The following CNOT4 variants were observed in gnomAD, a reference collection of about 807,000 sequenced individuals.
CNOT4 encodes CCR4-associated factor 4.
A neutral mutation model predicts 73.8 loss-of-function variants in CNOT4; 8 were observed. The ratio of observed to expected loss-of-function variants is 0.11; its 90% confidence interval spans 0.06 to 0.20. CNOT4 has a LOEUF of 0.20. Ranked by LOEUF, CNOT4 falls within the 10% of genes least tolerant of loss-of-function variation. CNOT4 has a pLI of 1.00. For synonymous variants in CNOT4, 293 were observed against 321.1 expected (o/e 0.91, Z 0.94); for missense variants, 564 against 883.4 (o/e 0.64, Z 4.58).
intron 10 of CNOT4, chr7:135,384,488 T>C (rs1247195144): frequency 1.8e-6 from 1 of 550,824 alleles, no homozygotes; most frequent in African/African-American, 1.9e-5. Context: ...GGTTTCACCG[T>C]GTTAGCCAGG....
chr7:135,463,546 A>C (rs895844384), intron 1 of CNOT4, among the ~76,000 whole-genome samples: 3 of 16,770 alleles, frequency 1.8e-4, no homozygotes, highest in African/African-American at 1.0e-3. Context: ...CCCCCACCCA[A>C]AAAAAAAAAA....
chr7:135,387,247 T>A (rs772370448), intron 10 of CNOT4: 21 of 984,858 alleles, frequency 2.1e-5, no homozygotes, highest in Non-Finnish European at 1.9e-5. Flanking sequence ...AATTAGAGAT[T>A]GATGTTTATG....
chr7:135,392,406 C>T (rs1313355835), intron 10 of CNOT4, among the ~76,000 whole-genome samples: 1 of 152,042 alleles, frequency 6.6e-6, no homozygotes, highest in African/African-American at 2.4e-5. Flanking sequence ...TTTGGGAGAA[C>T]TTAACTTTAA....
At chr7:135,370,531 T>C (rs116720979) in intron 10 of CNOT4, among the ~76,000 whole-genome samples, 1,752 of 152,298 alleles carry the variant, frequency 0.012, 39 homozygotes, top group African/African-American at 0.04. Flanking sequence ...TGCCGTGCCA[T>C]CGACTGCAGT....
intron 2 of CNOT4, among the ~76,000 whole-genome samples, chr7:135,427,890 G>T (rs886746307): frequency 3.9e-5 from 6 of 152,168 alleles, no homozygotes; most frequent in African/African-American, 9.7e-5. Flanking sequence ...GGTAGGGAGA[G>T]AAAGAGCTAA....
intron 1 of CNOT4, among the ~76,000 whole-genome samples, chr7:135,483,884 AC>A (rs1222243309): frequency 1.3e-5 from 2 of 152,198 alleles, no homozygotes; most frequent in Non-Finnish European, 2.9e-5. Flanking sequence ...TTGGCAAAGA[AC>A]ATCTACAAAA....
At chr7:135,503,591 C>A (rs1171151298) in intron 1 of CNOT4, among the ~76,000 whole-genome samples, 1 of 152,092 alleles carries the variant, frequency 6.6e-6, no homozygotes, top group Admixed American at 6.6e-5. Flanking sequence ...ACCAAAAGTT[C>A]CTTTTTAAAA....
At chr7:135,366,622 A>G (rs963277056) in intron 10 of CNOT4, among the ~76,000 whole-genome samples, 1 of 152,148 alleles carries the variant, frequency 6.6e-6, no homozygotes, top group East Asian at 1.9e-4. Context: ...CCTCCCCCCA[A>G]AAAATCATGT....
intron 1 of CNOT4, among the ~76,000 whole-genome samples, chr7:135,439,046 TAAAC>T (rs1271853584): frequency 1.3e-5 from 2 of 152,260 alleles, no homozygotes; most frequent in South Asian, 2.1e-4. Flanking sequence ...AAGCCTATAA[TAAAC>T]AGGAAGAAAG....
intron 10 of CNOT4, among the ~76,000 whole-genome samples, chr7:135,383,313 T>C (rs1795945910): frequency 6.6e-6 from 1 of 152,142 alleles, no homozygotes; most frequent in South Asian, 2.1e-4. Flanking sequence ...TCATACACCA[T>C]ACCTAATCCC....
intron 7 of CNOT4, among the ~76,000 whole-genome samples, chr7:135,406,265 T>C (rs1180800382): frequency 6.6e-6 from 1 of 151,610 alleles, no homozygotes; most frequent in African/African-American, 2.4e-5. Context: ...TTAATAAATT[T>C]AGGTAACCGC....
At chr7:135,508,973 T>A (rs931662694) in intron 1 of CNOT4, 7 of 152,132 alleles carry the variant, frequency 4.6e-5, no homozygotes, top group African/African-American at 1.4e-4. Context: ...ACAGAGCGAA[T>A]AAGCGACAAA....
intron 1 of CNOT4, among the ~76,000 whole-genome samples, chr7:135,490,250 G>A (rs1803018958): frequency 6.6e-6 from 1 of 152,166 alleles, no homozygotes; most frequent in Non-Finnish European, 1.5e-5. Context: ...CACACAGAAA[G>A]CATAAGAATG....
intron 10 of CNOT4, among the ~76,000 whole-genome samples, chr7:135,390,732 A>C (rs1054359307): frequency 6.6e-6 from 1 of 152,178 alleles, no homozygotes; most frequent in Admixed American, 6.5e-5. Flanking sequence ...AAAAATAAAA[A>C]TTTAAGTACA....
chr7:135,451,246 C>T (rs1321653641), intron 1 of CNOT4, among the ~76,000 whole-genome samples: 1 of 152,184 alleles, frequency 6.6e-6, no homozygotes, highest in Non-Finnish European at 1.5e-5. Flanking sequence ...TACTAACATA[C>T]TGAATGAAAA....
chr7:135,424,505 C>A (rs1024179020), intron 2 of CNOT4, among the ~76,000 whole-genome samples: 1 of 152,098 alleles, frequency 6.6e-6, no homozygotes, highest in Non-Finnish European at 1.5e-5. Context: ...TCATTTGAGG[C>A]CAGGCGCGGT....
chr7:135,491,925 G>T (rs1001753310), intron 1 of CNOT4, among the ~76,000 whole-genome samples: 1 of 152,114 alleles, frequency 6.6e-6, no homozygotes, highest in African/African-American at 2.4e-5. Context: ...ATTAATCAGA[G>T]GACCTGGGAC....
intron 2 of CNOT4, among the ~76,000 whole-genome samples, chr7:135,428,159 T>TA (rs1220136536): frequency 6.6e-6 from 1 of 152,120 alleles, no homozygotes; most frequent in Non-Finnish European, 1.5e-5. Flanking sequence ...AGCATGGAGA[T>TA]ATATTGCTTG....
chr7:135,495,685 AAAAAAAAAGAAAGAAAGAAAGAAAGAAAG>A (rs1803469774), intron 1 of CNOT4, among the ~76,000 whole-genome samples: 9 of 91,298 alleles, frequency 9.9e-5, no homozygotes, highest in South Asian at 3.8e-4. Flanking sequence ...AAAAAAAAAA[AAAAAAAAAGAAAGAAAGAAAGAAAGAAAG>A]AAAGAAAGAA....
Sources: allele counts gnomAD v4.1 joint callset (sites outside exome capture counted in the v4.1 genomes callset), GRCh38; gene constraint gnomAD v4.1.1; transcripts MANE v1.5; gene names NCBI Gene and HGNC (gene_info 2026-07-23, HGNC 2026-07-21).